Variants in FAM174A observed in about 807,000 individuals in gnomAD.
FAM174A encodes membrane protein FAM174A.
Under a neutral mutation model 14.3 loss-of-function variants are expected in FAM174A, and 14 were observed. The observed-to-expected ratio is 0.98, with a 90% CI of 0.65 to 1.53. FAM174A has a LOEUF of 1.53. Ranked by LOEUF, FAM174A falls within the 40% of genes most tolerant of loss-of-function variation. The pLI is 0.00. For missense variants in FAM174A, 241 were observed against 249.6 expected (o/e 0.97, Z 0.23); for synonymous variants, 108 against 111.4 (o/e 0.97, Z 0.19).
intron 1 of FAM174A, among the ~76,000 whole-genome samples, chr5:100,552,534 A>G (rs200631892): frequency 6.6e-6 from 1 of 152,086 alleles, no homozygotes; most frequent in Non-Finnish European, 1.5e-5. Context: ...CAGCAAACTT[A>G]AATCAGGTGC....
In FAM174A at chr5:100,544,408, G is replaced by GGAGA. The variant is rs144016021; in HGVS notation, c.434+8467_434+8470dup. On this transcript the variant is annotated intron_variant, in intron 1 of 2. Coordinates refer to ENST00000312637, the MANE Select transcript of FAM174A (RefSeq NM_198507.3). ...TGCATCCTCAAACAGATGAGATCCT[G>GGAGA]GAGAGAGAGAGAGAGAGAGAGAGAG... is the stretch of plus-strand genomic sequence containing the variant. Among the ~76,000 whole-genome samples, 448 of 146,378 alleles carry GGAGA rather than the reference G, an allele frequency of 3.1e-3. 2 individuals are homozygous for GGAGA. The highest frequency in any genetic ancestry group is 0.014 in the Middle Eastern group (4 of 284).
intron 1 of FAM174A, among the ~76,000 whole-genome samples, chr5:100,547,866 T>C (rs1580364774): frequency 6.6e-6 from 1 of 152,156 alleles, no homozygotes; most frequent in East Asian, 1.9e-4. Context: ...ATCATGTATA[T>C]GAATAGGCCT....
rs371669507 is a variant in FAM174A at position 100,566,180 on chromosome 5, A to ATGTACAT, written c.569+3992_569+3993insTGTACAT. On this transcript the variant is annotated intron_variant, in intron 2 of 2. Coordinates refer to ENST00000312637, the MANE Select transcript of FAM174A (RefSeq NM_198507.3). ...TATATATATATATATATGTACATAT[A>ATGTACAT]ATATATATAATTACATGTATGATAT... Among the ~76,000 whole-genome samples the ATGTACAT allele has an allele frequency of 3.1e-3, 356 of 113,224 alleles. 1 individual carries two copies. The highest frequency in any genetic ancestry group is 6.1e-3 in the Non-Finnish European group (310 of 50,630). The allele number at this position is 113,224 out of a possible 152,430, so 74.3% of individuals were successfully genotyped here. A position where few individuals can be genotyped will look rare whatever the true frequency, so the allele number is the denominator to read the frequency against.
chr5:100,550,206 T>C (rs1288695316), intron 1 of FAM174A, among the ~76,000 whole-genome samples: 5 of 152,148 alleles, frequency 3.3e-5, no homozygotes, highest in Non-Finnish European at 4.4e-5. Context: ...GCCTAAAACA[T>C]CCTAAATGAA....
chr5:100,576,281 TA>T (rs1348348895), intron 2 of FAM174A, among the ~76,000 whole-genome samples: 1 of 152,138 alleles, frequency 6.6e-6, no homozygotes, highest in Non-Finnish European at 1.5e-5. Context: ...ATGTCACAGA[TA>T]GGGGCCTCAC....
At chr5:100,574,322 G>A (rs139996722) in intron 2 of FAM174A, among the ~76,000 whole-genome samples, 55 of 152,102 alleles carry the variant, frequency 3.6e-4, no homozygotes, top group African/African-American at 1.2e-3. Context: ...CCCAGTAGCT[G>A]GGATTACAGA....
chr5:100,553,186 T>C (rs998622901), intron 1 of FAM174A, among the ~76,000 whole-genome samples: 1 of 152,114 alleles, frequency 6.6e-6, no homozygotes, highest in Non-Finnish European at 1.5e-5. Context: ...TGCACAGATA[T>C]TAAAGCTCTG....
chr5:100,580,565 G>A (rs576830868), intron 2 of FAM174A, among the ~76,000 whole-genome samples: 30 of 152,298 alleles, frequency 2.0e-4, no homozygotes, highest in South Asian at 6.2e-4. Flanking sequence ...TTTTTCTGCC[G>A]CGTATATTCT....
At chr5:100,548,795 C>T (rs1300943811) in intron 1 of FAM174A, among the ~76,000 whole-genome samples, 1 of 152,082 alleles carries the variant, frequency 6.6e-6, no homozygotes, top group Non-Finnish European at 1.5e-5. Flanking sequence ...TCTTCATAAT[C>T]GCATGCTTTT....
chr5:100,557,115 C>A (rs1193591367), intron 1 of FAM174A, among the ~76,000 whole-genome samples: 1 of 152,066 alleles, frequency 6.6e-6, no homozygotes, highest in African/African-American at 2.4e-5. Context: ...GAGAAACGTC[C>A]CATCAGTACC....
At chr5:100,569,761 C>A (rs1169913985) in intron 2 of FAM174A, among the ~76,000 whole-genome samples, 1 of 151,678 alleles carries the variant, frequency 6.6e-6, no homozygotes, top group Non-Finnish European at 1.5e-5. Context: ...GGGATGTATA[C>A]AATAGTGCAC....
chr5:100,542,024 C>T (rs1423467314), intron 1 of FAM174A, among the ~76,000 whole-genome samples: 2 of 152,142 alleles, frequency 1.3e-5, no homozygotes, highest in Non-Finnish European at 2.9e-5. Context: ...CTCTGTCTTA[C>T]TCATCTTTGG....
At chr5:100,565,055 G>T (rs762564706) in intron 2 of FAM174A, among the ~76,000 whole-genome samples, 1 of 151,410 alleles carries the variant, frequency 6.6e-6, no homozygotes, top group Non-Finnish European at 1.5e-5. Context: ...AAAGCCAGAC[G>T]AAGGAAAGCA....
At chr5:100,580,564 C>T (rs564898579) in intron 2 of FAM174A, among the ~76,000 whole-genome samples, 18 of 152,236 alleles carry the variant, frequency 1.2e-4, no homozygotes, top group South Asian at 6.2e-4. Flanking sequence ...ATTTTTCTGC[C>T]GCGTATATTC....
intron 2 of FAM174A, among the ~76,000 whole-genome samples, chr5:100,564,868 T>C (rs1746607304): frequency 6.6e-6 from 1 of 151,710 alleles, no homozygotes; most frequent in East Asian, 1.9e-4. Flanking sequence ...AATAAGGAAA[T>C]TGAATCAGTA....
rs533990149 is a variant in FAM174A, at chr5:100,554,641, A to G, written c.435-7413A>G. ...TCTATTTCTACTTTCTAAAGACAATACATTTATTATTTCTTTTCTTTGTTT... is the reference window on the plus strand; with the variant it reads ...TCTATTTCTACTTTCTAAAGACAATGCATTTATTATTTCTTTTCTTTGTTT... On this transcript the variant is annotated intron_variant, in intron 1 of 2. Transcript: ENST00000312637. 8.1e-4 allele frequency among the ~76,000 whole-genome samples: 107 copies of G among 131,406 alleles called. 3 individuals carry two copies. In the South Asian group the frequency reaches 0.022, roughly 27 times the overall value. 86.2% of individuals were successfully genotyped at this position (131,406 alleles called of 152,430 possible).
intron 1 of FAM174A, 87 bp from the exon 2 acceptor site, chr5:100,561,967 G>A: frequency 1.3e-6 from 1 of 774,296 alleles, no homozygotes; most frequent in East Asian, 3.4e-5. Flanking sequence ...TGCTATGTCA[G>A]AAACAGAATA....
intron 1 of FAM174A, among the ~76,000 whole-genome samples, chr5:100,557,493 A>G (rs948271094): frequency 2.6e-5 from 4 of 152,192 alleles, no homozygotes; most frequent in African/African-American, 9.7e-5. Context: ...ATTGATTGGA[A>G]TAGTTTCAGA....
chr5:100,543,552 A>G (rs912164597), intron 1 of FAM174A, among the ~76,000 whole-genome samples: 8 of 152,120 alleles, frequency 5.3e-5, no homozygotes, highest in South Asian at 2.1e-4. Context: ...CATGGGATCA[A>G]TGTTCATACT....
Sources: gnomAD v4.1 joint callset for allele counts (sites outside exome capture counted in the v4.1 genomes callset) on GRCh38, gnomAD v4.1.1 for gene constraint, MANE v1.5 for transcripts, NCBI Gene and HGNC (gene_info 2026-07-23, HGNC 2026-07-21) for gene names.